VPS13B: variants seen among roughly 807,000 people sequenced by gnomAD.
VPS13B encodes intermembrane lipid transfer protein VPS13B.
Under a neutral mutation model 426.4 loss-of-function variants are expected in VPS13B, and 285 were observed. The observed-to-expected ratio is 0.67, with a 90% CI of 0.61 to 0.74. VPS13B has a LOEUF of 0.74. Ranked by LOEUF, VPS13B falls within the 30% of genes least tolerant of loss-of-function variation. The probability of loss-of-function intolerance (pLI) is 0.00; values close to 1 mark genes in which losing one functional copy is unlikely to be tolerated. For synonymous variants in VPS13B, 1,676 were observed against 1,676.4 expected (o/e 1.00, Z 0.01); for missense variants, 4,537 against 4,782.6 (o/e 0.95, Z 1.51).
At chr8:99,720,666 G>A in intron 38 of VPS13B, 114 bp downstream of exon 38, 6 of 1,260,774 alleles carry the variant, frequency 4.8e-6, no homozygotes, top group Non-Finnish European at 6.8e-6. Flanking sequence ...GTTAAAATTT[G>A]CAGTACAAAA....
At chr8:99,062,445 T>C (rs1181743358) in intron 3 of VPS13B, among the ~76,000 whole-genome samples, 1 of 152,186 alleles carries the variant, frequency 6.6e-6, no homozygotes, top group Non-Finnish European at 1.5e-5. Flanking sequence ...TTGAAGAGCA[T>C]GGGCCCTGAA....
chr8:99,114,775 A>G (rs2132494323), intron 6 of VPS13B, among the ~76,000 whole-genome samples: 1 of 152,334 alleles, frequency 6.6e-6, no homozygotes, highest in South Asian at 2.1e-4. Context: ...CACCCTAAAA[A>G]TACGATGATT....
chr8:99,353,392 T>C (rs997259540), intron 19 of VPS13B, among the ~76,000 whole-genome samples: 3 of 152,182 alleles, frequency 2.0e-5, no homozygotes, highest in Admixed American at 2.0e-4. Flanking sequence ...CTGAAACTTA[T>C]GTGGTGAAAC....
intron 25 of VPS13B, among the ~76,000 whole-genome samples, chr8:99,486,506 C>T (rs1820319280): frequency 1.3e-5 from 2 of 152,146 alleles, no homozygotes; most frequent in Admixed American, 6.5e-5. Flanking sequence ...GTGAGCCATC[C>T]TGCCCAGGCA....
Position 99,871,661 on chromosome 8 carries a change from G to A in VPS13B, c.11709G>A (p.Val3903=), listed in dbSNP as rs1206063860. ...GCAAGCAGAACAACTTACTCACAGT[G>A]CAGCTCAAGCAGCCAAGAGTGGCCT... is the stretch of plus-strand genomic sequence containing the variant. ...QDSKQNNLLT[V]QLKQPRVACD... The change falls in exon 61 of 62, where the codon GTG becomes GTA. Residue 3903 remains valine (V), a synonymous_variant. Transcript: ENST00000357162. The A allele has an allele frequency of 1.7e-5, 27 of 1,614,048 alleles. No homozygotes were observed. The highest frequency in any genetic ancestry group is 2.3e-5 in the Non-Finnish European group (27 of 1,180,036).
intron 33 of VPS13B, among the ~76,000 whole-genome samples, chr8:99,601,348 C>A (rs964278607): frequency 6.6e-6 from 1 of 152,180 alleles, no homozygotes; most frequent in Non-Finnish European, 1.5e-5. Context: ...TTTATGACTG[C>A]ATAGTATTCC....
Position 99,724,344 on chromosome 8 carries a change from C to A in VPS13B, c.7050+3297C>A, listed in dbSNP as rs192796922. Among the ~76,000 whole-genome samples, 4 of 152,274 alleles carry A rather than the reference C, an allele frequency of 2.6e-5. No homozygotes were observed. In the East Asian group the frequency reaches 7.7e-4, roughly 29 times the overall value. ...AATTTCATCTGTTGTCAGAATCATT[C>A]TCCTACCATATGTGATTATTTCTGG... On this transcript the variant is annotated intron_variant, in intron 39 of 61. Transcript: ENST00000357162.
At chr8:99,187,731 G>A (rs185341192) in intron 16 of VPS13B, among the ~76,000 whole-genome samples, 26 of 152,318 alleles carry the variant, frequency 1.7e-4, no homozygotes, top group Admixed American at 1.5e-3. Flanking sequence ...CACTTTGGGA[G>A]GGTGAGGCAG....
Position 99,096,271 on chromosome 8 carries a change from T to C in VPS13B, c.292-41T>C, listed in dbSNP as rs765699420. The C allele has an allele frequency of 1.7e-5, 28 of 1,611,314 alleles. No homozygotes were observed. In the South Asian group the frequency reaches 1.8e-4, roughly 10 times the overall value. ...AATTTTTTTTCTTAATTCTTGAGTA[T>C]GATCGATGGTTTTCTTTTTCTTTCT... On this transcript the variant is annotated intron_variant, in intron 3 of 61. Transcript: ENST00000357162.
At chr8:99,411,347 G>A (rs574882973) in intron 21 of VPS13B, among the ~76,000 whole-genome samples, 8 of 152,272 alleles carry the variant, frequency 5.3e-5, no homozygotes, top group South Asian at 2.1e-4. Flanking sequence ...ATTGTAGGCC[G>A]CATAAATGTC....
intron 21 of VPS13B, among the ~76,000 whole-genome samples, chr8:99,408,443 G>A (rs1815448311): frequency 1.3e-5 from 2 of 152,072 alleles, no homozygotes; most frequent in Non-Finnish European, 2.9e-5. Context: ...AACAGAGAAG[G>A]GTCATGGTTT....
intron 33 of VPS13B, among the ~76,000 whole-genome samples, chr8:99,640,061 GAAA>G (rs575143454): frequency 0.06 from 6,470 of 108,156 alleles, 280 homozygotes; most frequent in Non-Finnish European, 0.069. Flanking sequence ...GAAAAGAAAA[GAAA>G]AGAAAAGAAA....
At chr8:99,221,286 T>G in intron 17 of VPS13B, among the ~76,000 whole-genome samples, 1 of 151,038 alleles carries the variant, frequency 6.6e-6, no homozygotes, top group Non-Finnish European at 1.5e-5. Flanking sequence ...TGATTTATAC[T>G]CATTTGGGTA....
At chr8:99,375,939 G>T (rs535267233) in intron 19 of VPS13B, among the ~76,000 whole-genome samples, 2 of 152,230 alleles carry the variant, frequency 1.3e-5, no homozygotes, top group African/African-American at 4.8e-5. Flanking sequence ...TCATTGGCTG[G>T]CAAGCTTCTA....
chr8:99,754,887 C>T (rs943477248), intron 39 of VPS13B, among the ~76,000 whole-genome samples: 1 of 152,156 alleles, frequency 6.6e-6, no homozygotes, highest in Non-Finnish European at 1.5e-5. Flanking sequence ...CCCCCAACCC[C>T]CATGCCCCCA....
chr8:99,609,446 A>G (rs1241897389), intron 33 of VPS13B, among the ~76,000 whole-genome samples: 2 of 152,172 alleles, frequency 1.3e-5, no homozygotes, highest in Non-Finnish European at 2.9e-5. Context: ...AACAAACGCT[A>G]TCTATAGTTT....
At chr8:99,414,489 AG>A (rs1021980839) in intron 21 of VPS13B, among the ~76,000 whole-genome samples, 46 of 152,224 alleles carry the variant, frequency 3.0e-4, no homozygotes, top group Admixed American at 3.0e-3. Context: ...TTTGCCCATT[AG>A]TTGATGCAGT....
intron 2 of VPS13B, among the ~76,000 whole-genome samples, chr8:99,037,597 A>G (rs1262970532): frequency 1.3e-5 from 2 of 152,124 alleles, no homozygotes; most frequent in Admixed American, 6.5e-5. Context: ...TATTTTTATT[A>G]ACTTTCACAA....
rs1056009636 is a variant in VPS13B, at chr8:99,313,232, G to T, written c.2824+37978G>T. Among the ~76,000 whole-genome samples the T allele has an allele frequency of 2.6e-5, 4 of 152,258 alleles. No individual in the cohort carries two copies. In the South Asian group the frequency reaches 8.3e-4, roughly 32 times the overall value. The stretch of plus-strand genomic sequence containing the variant: ...GTGAGGAGCTGCGTTCCTTTGGAGG[G>T]GGAGAAGCGCTCTGATTTTTAGAAT... On this transcript the variant is annotated intron_variant, in intron 19 of 61. Transcript: ENST00000357162.
Sources: allele counts gnomAD v4.1 joint callset (sites outside exome capture counted in the v4.1 genomes callset), GRCh38; gene constraint gnomAD v4.1.1; transcripts MANE v1.5; gene names NCBI Gene and HGNC (gene_info 2026-07-23, HGNC 2026-07-21).